The following RANBP2 variants were observed in gnomAD, a reference collection of about 807,000 sequenced individuals.
RANBP2 encodes the protein E3 SUMO-protein ligase RanBP2.
In RANBP2, 57 loss-of-function variants were observed where a neutral mutation model predicts 303.6. The ratio of observed to expected loss-of-function variants is 0.19; its 90% CI spans 0.15 to 0.23. RANBP2 has a LOEUF of 0.23. Ranked by LOEUF, RANBP2 falls within the 10% of genes least tolerant of loss-of-function variation. RANBP2 has a pLI of 1.00. For synonymous variants in RANBP2, 1,167 were observed against 1,301.5 expected, an observed-to-expected ratio of 0.90 and a Z score of 2.23; for missense variants, 3,138 against 3,780.8, an observed-to-expected ratio of 0.83 and a Z score of 4.46.
At chr2:109,381,391 A>G in the RANBP2 span, among the ~76,000 whole-genome samples, 1 of 152,124 alleles carries the variant, frequency 6.6e-6, no homozygotes, top group Non-Finnish European at 1.5e-5. Flanking sequence ...TTTTACACCT[A>G]ACTTTAGCTC....
At position 108,764,855 on chromosome 2, in the gene RANBP2, A is replaced by G. The variant is rs566037958; in HGVS notation, c.4316A>G (p.Gln1439Arg). The G allele has an allele frequency of 2.0e-5, 33 of 1,614,042 alleles. No homozygotes were observed. In the African/African-American group the frequency reaches 3.5e-4, roughly 17 times the overall value. Residue 1439 changes from glutamine to arginine, a missense_variant, in exon 20 of 29, where the codon CAG becomes CGG. Physicochemically the swap from Gln to Arg is conservative, Grantham distance 43 (BLOSUM62 1). Transcript: ENST00000283195. ...ACTGTATCTAGGTGCATTGCGTGTC[A>G]GAATACAAAATCTGCTAACAAAAGT... ...EPTVSRCIAC[Q>R]NTKSANKSGS...
At chr2:109,314,872 T>C in the RANBP2 span, among the ~76,000 whole-genome samples, 4 of 152,234 alleles carry the variant, frequency 2.6e-5, no homozygotes, top group Non-Finnish European at 5.9e-5. Flanking sequence ...ACCCTCTGAG[T>C]TGGTAGAGAT....
the RANBP2 span, chr2:109,585,352 T>G: frequency 6.6e-7 from 1 of 1,518,334 alleles, no homozygotes; most frequent in Non-Finnish European, 8.9e-7. Context: ...TCTTTATGGT[T>G]GCATGAATGG....
the RANBP2 span, among the ~76,000 whole-genome samples, chr2:109,404,860 A>G: frequency 6.6e-6 from 1 of 152,014 alleles, no homozygotes; most frequent in Non-Finnish European, 1.5e-5. Flanking sequence ...CTCATCCGCC[A>G]TCTTGACCTC....
chr2:109,170,217 T>TC, the RANBP2 span, among the ~76,000 whole-genome samples: 1 of 150,668 alleles, frequency 6.6e-6, no homozygotes, highest in Admixed American at 6.6e-5. Context: ...TTCTCTCTCT[T>TC]TTTTCTCTTC....
chr2:109,300,196 G>GA, the RANBP2 span, among the ~76,000 whole-genome samples: 2 of 152,196 alleles, frequency 1.3e-5, no homozygotes, highest in East Asian at 3.9e-4. Flanking sequence ...AGGGCATCCT[G>GA]AAATTTTTTT....
chr2:108,983,046 C>T, the RANBP2 span, among the ~76,000 whole-genome samples: 49 of 152,184 alleles, frequency 3.2e-4, no homozygotes, highest in African/African-American at 1.2e-3. Context: ...CAACAGAAAA[C>T]CACACTCTGC....
At chr2:109,659,748 C>T in the RANBP2 span, among the ~76,000 whole-genome samples, 3 of 152,336 alleles carry the variant, frequency 2.0e-5, no homozygotes, top group East Asian at 3.9e-4. Flanking sequence ...GGCCGGGAGC[C>T]CTGAATGAGA....
At chr2:109,346,626 T>TC in the RANBP2 span, among the ~76,000 whole-genome samples, 1 of 150,192 alleles carries the variant, frequency 6.7e-6, no homozygotes, top group African/African-American at 2.5e-5. Flanking sequence ...CAGATGGACT[T>TC]GATGAGACAG....
chr2:109,709,307 A>AAAAATAAAT, the RANBP2 span, among the ~76,000 whole-genome samples: 1 of 127,664 alleles, frequency 7.8e-6, no homozygotes, highest in Admixed American at 8.6e-5. Flanking sequence ...ACTGTGTCTC[A>AAAAATAAAT]AAAATAAAAT....
At chr2:108,840,008 A>C in the RANBP2 span, among the ~76,000 whole-genome samples, 1 of 152,020 alleles carries the variant, frequency 6.6e-6, no homozygotes, top group Middle Eastern at 3.2e-3. Flanking sequence ...GTATTTTCAT[A>C]GATACTTTCA....
the RANBP2 span, chr2:108,875,903 A>G: frequency 6.4e-6 from 1 of 157,336 alleles, no homozygotes; most frequent in Non-Finnish European, 1.4e-5. Flanking sequence ...TTTCTGCTTC[A>G]GGTTTATCTC....
the RANBP2 span, among the ~76,000 whole-genome samples, chr2:108,850,791 C>T: frequency 4.6e-5 from 7 of 152,088 alleles, no homozygotes; most frequent in Admixed American, 3.3e-4. Context: ...CTAGGGAAAA[C>T]TCTTTAACTG....
rs1211652839 is a variant in RANBP2 at position 108,764,694 on chromosome 2, C to T, written c.4155C>T (p.Leu1385=). Residue 1385 remains leucine, a synonymous_variant, in exon 20 of 29, where the codon CTC becomes CTT. Coordinates refer to ENST00000283195, the MANE Select transcript of RANBP2 (RefSeq NM_006267.5). The stretch of plus-strand genomic sequence containing the variant: ...ATCTAAACCCAAGCAATAAAGAGCT[C>T]GTTGGCCCACCATTAGCTGAAACTG... ...CQNLNPSNKE[L]VGPPLAETVF... 1.6e-5 allele frequency: 26 copies of T among 1,613,870 alleles called. No individual in the cohort carries two copies. Among genetic ancestry groups the T allele is most frequent in the South Asian group, 8.8e-5 (8 of 91,060 alleles).
the RANBP2 span, among the ~76,000 whole-genome samples, chr2:109,690,569 C>T: frequency 0.017 from 2,538 of 152,216 alleles, 70 homozygotes; most frequent in African/African-American, 0.057. Flanking sequence ...TTATTAATTA[C>T]GTTCTTAGCA....
chr2:109,535,806 C>A, the RANBP2 span, among the ~76,000 whole-genome samples: 3 of 152,098 alleles, frequency 2.0e-5, no homozygotes, highest in Non-Finnish European at 4.4e-5. Flanking sequence ...AATGTCAGTG[C>A]AGCTGTCAAG....
the RANBP2 span, among the ~76,000 whole-genome samples, chr2:108,962,810 C>T: frequency 6.6e-6 from 1 of 152,066 alleles, no homozygotes; most frequent in Non-Finnish European, 1.5e-5. Flanking sequence ...ACCATTCTGT[C>T]CAAGAGACTG....
the RANBP2 span, among the ~76,000 whole-genome samples, chr2:109,078,245 GTGTATA>G: frequency 5.9e-5 from 2 of 33,948 alleles, 1 homozygote; most frequent in Non-Finnish European, 1.1e-4. Flanking sequence ...TATATATAGC[GTGTATA>G]TATATATATA....
At chr2:108,923,639 G>A in the RANBP2 span, among the ~76,000 whole-genome samples, 56 of 152,354 alleles carry the variant, frequency 3.7e-4, 1 homozygote, top group East Asian at 0.01. Context: ...TTGAAATGGA[G>A]CATTCTTTTA....
Sources: gnomAD v4.1 joint callset for allele counts (sites outside exome capture counted in the v4.1 genomes callset) on GRCh38, gnomAD v4.1.1 for gene constraint, MANE v1.5 for transcripts, NCBI Gene and HGNC (gene_info 2026-07-23, HGNC 2026-07-21) for gene names.